Variants in APBB2 observed in about 807,000 individuals in gnomAD.
The protein encoded by APBB2 is Fe65-like 1.
Under a neutral mutation model 82.5 loss-of-function variants are expected in APBB2, and 38 were observed. The ratio of observed to expected loss-of-function variants is 0.46; its 90% CI spans 0.36 to 0.60. The LOEUF (loss-of-function observed/expected upper bound fraction) is 0.60, where lower values mean the gene tolerates loss of function less well. APBB2 is among the 20% of genes least tolerant of loss of function. The pLI, the probability that APBB2 is intolerant of heterozygous loss-of-function variation, is 0.00. For missense variants in APBB2, 772 were observed against 972.3 expected, an observed-to-expected ratio of 0.79 and a Z score of 2.74; for synonymous variants, 341 against 368.2, an observed-to-expected ratio of 0.93 and a Z score of 0.85.
At chr4:41,172,479 T>C (rs1314345914) in intron 1 of APBB2, among the ~76,000 whole-genome samples, 1 of 152,226 alleles carries the variant, frequency 6.6e-6, no homozygotes, top group Non-Finnish European at 1.5e-5. Context: ...CACTCTATAA[T>C]TACTCTTCAT....
At chr4:40,869,966 T>G (rs1482860120) in intron 12 of APBB2, among the ~76,000 whole-genome samples, 2 of 151,636 alleles carry the variant, frequency 1.3e-5, no homozygotes, top group Admixed American at 6.6e-5. Context: ...TATGAATGAA[T>G]ATGGACTACA....
chr4:41,086,936 AC>A (rs1560715867), intron 3 of APBB2, among the ~76,000 whole-genome samples: 98 of 151,752 alleles, frequency 6.5e-4, no homozygotes, highest in African/African-American at 2.3e-3. Context: ...ACACACACAC[AC>A]ACACACACAC....
intron 13 of APBB2, among the ~76,000 whole-genome samples, chr4:40,828,897 C>A (rs948159480): frequency 1.3e-5 from 2 of 152,206 alleles, no homozygotes; most frequent in African/African-American, 2.4e-5. Context: ...CTCCCTCAGG[C>A]ACCATGGCTT....
chr4:41,090,138 T>C (rs775524138), intron 3 of APBB2, among the ~76,000 whole-genome samples: 10 of 152,164 alleles, frequency 6.6e-5, no homozygotes, highest in Non-Finnish European at 1.3e-4. Context: ...TAAAAGAAGA[T>C]TTAAGGGAAA....
At chr4:41,193,308 G>T (rs952713896) in intron 1 of APBB2, among the ~76,000 whole-genome samples, 18 of 152,176 alleles carry the variant, frequency 1.2e-4, no homozygotes, top group African/African-American at 4.1e-4. Context: ...TCTGTGACAG[G>T]CCTCTTAGGC....
rs1207034305 is a variant in APBB2 at position 40,814,221 on chromosome 4, A to G, written c.*1871T>C. 2 of 152,214 alleles carry G rather than the reference A, an allele frequency of 1.3e-5. No individual in the cohort carries two copies. Among genetic ancestry groups the G allele is most frequent in the Non-Finnish European group, 2.9e-5 (2 of 68,042 alleles). 9.4% of individuals were successfully genotyped at this position (152,214 alleles called of 1,614,324 possible). On this transcript the variant is annotated 3_prime_UTR_variant, in exon 18 of 18. Coordinates refer to ENST00000508593, the MANE Select transcript of APBB2 (RefSeq NM_004307.2). ...CAACACTTTTGAGGCACGCTGTAGGAAAACAGTCCTGGACTTAGATAGGGC... is the reference window on the plus strand; with the variant it reads ...CAACACTTTTGAGGCACGCTGTAGGGAAACAGTCCTGGACTTAGATAGGGC...
intron 12 of APBB2, among the ~76,000 whole-genome samples, chr4:40,865,082 T>A (rs1030706786): frequency 1.3e-5 from 2 of 152,152 alleles, no homozygotes; most frequent in African/African-American, 4.8e-5. Context: ...GGTCTCGAAC[T>A]CCTAACCTCA....
intron 4 of APBB2, among the ~76,000 whole-genome samples, chr4:41,037,980 A>C (rs1219717992): frequency 6.6e-6 from 1 of 151,082 alleles, no homozygotes; most frequent in Non-Finnish European, 1.5e-5. Context: ...GCAGGCCACT[A>C]CAAGTTCTAC....
intron 17 of APBB2, among the ~76,000 whole-genome samples, chr4:40,819,316 G>A (rs1250383002): frequency 3.3e-5 from 5 of 151,548 alleles, no homozygotes; most frequent in Non-Finnish European, 7.4e-5. Flanking sequence ...TCCCTGAGTA[G>A]CTGGGACTAC....
chr4:40,982,400 GGAAAGAAA>G (rs1291191407), intron 6 of APBB2, among the ~76,000 whole-genome samples: 3 of 16,050 alleles, frequency 1.9e-4, no homozygotes, highest in Non-Finnish European at 2.7e-4. Context: ...GGAAAGGAAA[GGAAAGAAA>G]GAAAGAAAGA....
chr4:41,159,954 GGAGAAGGAGAAGAAGAAGA>G lies in APBB2; in HGVS notation c.-416-16831_-416-16813del, dbSNP rs1560913128. Among the ~76,000 whole-genome samples the G allele has an allele frequency of 1.0e-4, 9 of 89,964 alleles. No homozygotes were observed. The East Asian group carries it at 1.4e-3, about 14-fold the overall frequency. 59.0% of individuals were successfully genotyped at this position (89,964 alleles called of 152,430 possible). ...AGGAGGAGGAGGAGGAGAAGGAGAAGGAGAAGGAGAAGAAGAAGAAGAAGAAGAAGAAGAAGAAGAAGAA... is the reference window on the plus strand; with the variant it reads ...AGGAGGAGGAGGAGGAGAAGGAGAAGAGAAGAAGAAGAAGAAGAAGAAGAA... On this transcript the variant is annotated intron_variant, in intron 1 of 17. Coordinates refer to ENST00000508593, the MANE Select transcript of APBB2 (RefSeq NM_004307.2).
chr4:40,922,538 G>A (rs970067676), intron 10 of APBB2, among the ~76,000 whole-genome samples: 21 of 152,210 alleles, frequency 1.4e-4, no homozygotes, highest in Admixed American at 1.3e-3. Flanking sequence ...ACAATTGGAT[G>A]AGATTTTAAA....
rs371941927 is a variant in APBB2 at position 40,839,223 on chromosome 4, A to T, written c.1530-8646T>A. 5.1e-4 allele frequency among the ~76,000 whole-genome samples: 78 copies of T among 151,972 alleles called. 1 individual carries two copies. The East Asian group carries it at 6.6e-3, about 13-fold the overall frequency. On this transcript the variant is annotated intron_variant, in intron 12 of 17. Coordinates refer to ENST00000508593, the MANE Select transcript of APBB2 (RefSeq NM_004307.2). The stretch of plus-strand genomic sequence containing the variant: ...CTCCCAAGTAGCTGGGACTACAGGC[A>T]TGTGCCACCACACCTGGCTCAAAAT...
chr4:40,835,033 C>T (rs1560646952), intron 12 of APBB2, among the ~76,000 whole-genome samples: 1 of 152,076 alleles, frequency 6.6e-6, no homozygotes, highest in Non-Finnish European at 1.5e-5. Flanking sequence ...AATCCCAGCA[C>T]TTTGGGAGGC....
At chr4:41,121,995 C>A (rs940934903) in intron 2 of APBB2, among the ~76,000 whole-genome samples, 1 of 152,056 alleles carries the variant, frequency 6.6e-6, no homozygotes, top group Admixed American at 6.6e-5. Context: ...GGCCCCATCT[C>A]GACTCACTGT....
At chr4:40,970,048 A>T (rs1016402322) in intron 6 of APBB2, among the ~76,000 whole-genome samples, 3 of 152,064 alleles carry the variant, frequency 2.0e-5, no homozygotes, top group Non-Finnish European at 4.4e-5. Context: ...GTCAGAGGGG[A>T]TCCATCTTTT....
intron 6 of APBB2, among the ~76,000 whole-genome samples, chr4:40,956,396 C>G (rs923413198): frequency 1.2e-4 from 18 of 152,306 alleles, no homozygotes; most frequent in Non-Finnish European, 2.2e-4. Flanking sequence ...AAGGGACAGG[C>G]CCCAAAGTGT....
Position 40,866,700 on chromosome 4 carries a change from T to C in APBB2, c.1529+23664A>G, listed in dbSNP as rs373955871. Reference sequence around the variant, plus strand: ...TCCTAATTTGAAGGGACTTTTATTATTTTATAGTGTCCTTTTATTATTTTA... The same window carrying C: ...TCCTAATTTGAAGGGACTTTTATTACTTTATAGTGTCCTTTTATTATTTTA... On this transcript the variant is annotated intron_variant, in intron 12 of 17. Coordinates refer to ENST00000508593, the MANE Select transcript of APBB2 (RefSeq NM_004307.2). Among the ~76,000 whole-genome samples, 262 of 152,270 alleles carry C rather than the reference T, an allele frequency of 1.7e-3. 5 individuals carry two copies. The South Asian group carries it at 0.053, about 31-fold the overall frequency.
intron 11 of APBB2, among the ~76,000 whole-genome samples, chr4:40,891,396 C>G (rs1771987049): frequency 1.3e-5 from 2 of 152,192 alleles, no homozygotes. Flanking sequence ...GAAAGACTCT[C>G]TCTCCTAAAG....
Sources: gnomAD v4.1 joint callset for allele counts (sites outside exome capture counted in the v4.1 genomes callset) on GRCh38, gnomAD v4.1.1 for gene constraint, MANE v1.5 for transcripts, NCBI Gene and HGNC (gene_info 2026-07-23, HGNC 2026-07-21) for gene names.